COL22A1: variants seen among roughly 807,000 people sequenced by gnomAD.
COL22A1 encodes collagen alpha-1(XXII) chain.
COL22A1 carries 221 observed loss-of-function variants against 248.9 expected under a neutral mutation model. That is an observed-to-expected ratio of 0.89 (90% confidence interval 0.80 to 0.99). COL22A1 has a LOEUF of 0.99. COL22A1 is among the 50% of genes least tolerant of loss of function. COL22A1 has a pLI of 0.00. For missense variants in COL22A1, 2,240 were observed against 2,179.0 expected, an observed-to-expected ratio of 1.03 and a Z score of -0.56; for synonymous variants, 891 against 793.4, an observed-to-expected ratio of 1.12 and a Z score of -2.07.
chr8:138,715,051 A>G (rs1829322595), intron 30 of COL22A1, among the ~76,000 whole-genome samples: 1 of 152,234 alleles, frequency 6.6e-6, no homozygotes. Context: ...CACTCAGCAC[A>G]GGACAGGAGC....
At position 138,780,969 on chromosome 8, in the gene COL22A1, GCC is replaced by G. The variant is rs1226683876; in HGVS notation, c.1606_1607del (p.Gly536ProfsTer28). The G allele has an allele frequency of 1.2e-6, 2 of 1,600,812 alleles. No homozygotes were observed. The highest frequency in any genetic ancestry group is 2.7e-5 in the African/African-American group (2 of 74,006). ...CGTCTCTCCCAGGGGGGCCGGGCAGGCCCAGGGAACCCTAAAGCCAAAAAAAG... is the reference window on the plus strand; with the variant it reads ...CGTCTCTCCCAGGGGGGCCGGGCAGGCAGGGAACCCTAAAGCCAAAAAAAG... ...QGEKGEKGSL[G>X]LPGPPGRDGS... On this transcript the variant is annotated frameshift_variant, in exon 13 of 65. Coordinates refer to ENST00000303045, the MANE Select transcript of COL22A1 (RefSeq NM_152888.3). LOFTEE classifies it high-confidence loss of function.
intron 30 of COL22A1, among the ~76,000 whole-genome samples, chr8:138,705,804 G>A (rs1222309090): frequency 1.3e-5 from 2 of 151,930 alleles, no homozygotes; most frequent in African/African-American, 4.8e-5. Flanking sequence ...ATGTAAATGG[G>A]CTAAATGCTC....
intron 57 of COL22A1, among the ~76,000 whole-genome samples, 179 bp downstream of exon 57, chr8:138,607,757 C>T (rs578205910): frequency 2.0e-5 from 3 of 152,310 alleles, no homozygotes; most frequent in African/African-American, 4.8e-5. Context: ...ATGATATATA[C>T]TTTAAACCTT....
At chr8:138,651,378 T>C (rs1190284443) in intron 45 of COL22A1, among the ~76,000 whole-genome samples, 1 of 152,196 alleles carries the variant, frequency 6.6e-6, no homozygotes, top group Non-Finnish European at 1.5e-5. Context: ...CCACAGAGCA[T>C]GAGTGCTATA....
Position 138,663,703 on chromosome 8 carries a change from A to C in COL22A1, c.3186+2T>G. ...CATCCCTTTATTTAAAGCATACTGT[A>C]CCGGGGATCCTTTGTCTCCTGGTGG... On this transcript the variant is annotated splice_donor_variant, in intron 42 of 64. Transcript: ENST00000303045. LOFTEE classifies it high-confidence loss of function. 6.2e-7 allele frequency: 1 copy of C among 1,606,016 alleles called. No homozygotes were observed. Among genetic ancestry groups the C allele is most frequent in the Non-Finnish European group, 8.5e-7 (1 of 1,172,604 alleles).
intron 9 of COL22A1, among the ~76,000 whole-genome samples, chr8:138,809,608 C>T (rs1015706908): frequency 6.7e-6 from 1 of 150,316 alleles, no homozygotes; most frequent in African/African-American, 2.5e-5. Flanking sequence ...GCAACCTCCG[C>T]CTCCCGGGTT....
At chr8:138,593,412 A>G (rs1817256746) in intron 63 of COL22A1, among the ~76,000 whole-genome samples, 1 of 151,968 alleles carries the variant, frequency 6.6e-6, no homozygotes, top group Non-Finnish European at 1.5e-5. Context: ...CCTTTTGTTA[A>G]AAAAAAAGTT....
At chr8:138,897,372 C>T (rs1825494276) in intron 1 of COL22A1, among the ~76,000 whole-genome samples, 1 of 151,964 alleles carries the variant, frequency 6.6e-6, no homozygotes, top group South Asian at 2.1e-4. Context: ...ATGGTGAAAC[C>T]CCGTCTCTAC....
rs756312501 is a variant in COL22A1, at chr8:138,684,422, C to A, written c.3012+3G>T. 6.8e-6 allele frequency: 11 copies of A among 1,606,638 alleles called. No homozygotes were observed. Among genetic ancestry groups the A allele is most frequent in the Non-Finnish European group, 1.7e-6 (2 of 1,173,322 alleles). On this transcript the variant is annotated splice_donor_region_variant and intron_variant, in intron 39 of 64. Coordinates refer to ENST00000303045, the MANE Select transcript of COL22A1 (RefSeq NM_152888.3). The stretch of plus-strand genomic sequence containing the variant: ...CCCACAGTTTTCTTGGACAAGCACT[C>A]ACCTTGGTTCCTAGGGGTCCAGGGA...
intron 43 of COL22A1, among the ~76,000 whole-genome samples, chr8:138,660,819 TACACACACATACAC>T (rs1564157880): frequency 7.5e-6 from 1 of 133,594 alleles, no homozygotes; most frequent in Non-Finnish European, 1.5e-5. Flanking sequence ...CATACACACA[TACACACACATACAC>T]ACACAGACAC....
intron 1 of COL22A1, among the ~76,000 whole-genome samples, chr8:138,910,202 CA>C (rs1241014513): frequency 6.6e-6 from 1 of 152,234 alleles, no homozygotes; most frequent in Non-Finnish European, 1.5e-5. Context: ...ATTGATTCAA[CA>C]AACCTCATGC....
intron 56 of COL22A1, among the ~76,000 whole-genome samples, chr8:138,612,436 CATCCAGATA>C (rs1818938281): frequency 6.6e-6 from 1 of 152,174 alleles, no homozygotes; most frequent in Non-Finnish European, 1.5e-5. Flanking sequence ...GCAGATATAA[CATCCAGATA>C]TGTATCCATC....
chr8:138,854,775 G>C (rs1821889562), intron 3 of COL22A1, among the ~76,000 whole-genome samples: 1 of 152,140 alleles, frequency 6.6e-6, no homozygotes, highest in African/African-American at 2.4e-5. Flanking sequence ...CAGCTTGATA[G>C]AGGTGGTGGT....
intron 40 of COL22A1, among the ~76,000 whole-genome samples, chr8:138,679,148 A>C (rs1205312563): frequency 6.6e-6 from 1 of 152,138 alleles, no homozygotes; most frequent in Admixed American, 6.5e-5. Flanking sequence ...GAACTTCTGA[A>C]CTCAAACAGT....
intron 1 of COL22A1, among the ~76,000 whole-genome samples, chr8:138,887,637 A>C: frequency 6.6e-6 from 1 of 152,166 alleles, no homozygotes; most frequent in East Asian, 1.9e-4. Context: ...TTTTAATTGC[A>C]ATTTCTACTT....
chr8:138,798,621 C>G lies in COL22A1; in HGVS notation c.1558-1764G>C, dbSNP rs539158872. Among the ~76,000 whole-genome samples the G allele has an allele frequency of 2.1e-4, 32 of 152,244 alleles. 1 individual carries two copies. In the South Asian group the frequency reaches 6.6e-3, roughly 32 times the overall value. On this transcript the variant is annotated intron_variant, in intron 11 of 64. Coordinates refer to ENST00000303045, the MANE Select transcript of COL22A1 (RefSeq NM_152888.3). ...CGTATTACATGCGTGTTTGTTAACA[C>G]CAACCATACATGGTTGTAATGTATT...
chr8:138,774,804 T>A (rs930631421), intron 16 of COL22A1, among the ~76,000 whole-genome samples: 4 of 152,188 alleles, frequency 2.6e-5, no homozygotes, highest in African/African-American at 9.7e-5. Context: ...GTTTATTCAC[T>A]CAGTGGAACG....
chr8:138,745,798 G>A (rs1009136086), intron 22 of COL22A1, among the ~76,000 whole-genome samples: 1 of 152,172 alleles, frequency 6.6e-6, no homozygotes, highest in Non-Finnish European at 1.5e-5. Context: ...CAGTGGCCTT[G>A]AGCCAGGCTG....
chr8:138,644,694 T>C (rs935131783), intron 47 of COL22A1, among the ~76,000 whole-genome samples: 9 of 152,212 alleles, frequency 5.9e-5, no homozygotes, highest in Admixed American at 1.3e-4. Flanking sequence ...TTTGAACACA[T>C]GACCCATTAT....
Sources: gnomAD v4.1 joint callset for allele counts (sites outside exome capture counted in the v4.1 genomes callset) on GRCh38, gnomAD v4.1.1 for gene constraint, MANE v1.5 for transcripts, NCBI Gene and HGNC (gene_info 2026-07-23, HGNC 2026-07-21) for gene names.